Variants in HIGD1C observed in about 807,000 individuals in gnomAD.
HIGD1C encodes the protein HIG1 hypoxia inducible domain family member 1C.
HIGD1C carries 11 observed loss-of-function variants against 13.1 expected under a neutral mutation model. The observed-to-expected ratio is 0.84, with a 90% CI of 0.53 to 1.39. The LOEUF (loss-of-function observed/expected upper bound fraction) is 1.39. Among genes scored for constraint, HIGD1C ranks in the 40% most tolerant of loss-of-function variants. HIGD1C has a pLI of 0.00. For missense variants in HIGD1C, 110 were observed against 112.0 expected (o/e 0.98, Z 0.08); for synonymous variants, 36 against 37.7 (o/e 0.95, Z 0.17).
chr12:50,947,229 T>C, the HIGD1C span, among the ~76,000 whole-genome samples: 1 of 152,340 alleles, frequency 6.6e-6, no homozygotes, highest in South Asian at 2.1e-4. Flanking sequence ...AGTTTCCTAC[T>C]GCTGCTCTAA....
At chr12:50,965,287 A>G (rs946411474) in intron 2 of HIGD1C, among the ~76,000 whole-genome samples, 1 of 134,566 alleles carries the variant, frequency 7.4e-6, no homozygotes, top group African/African-American at 2.8e-5. Flanking sequence ...CTAATTTTTA[A>G]TTTTTTTTTT....
the HIGD1C span, among the ~76,000 whole-genome samples, chr12:50,941,979 T>C: frequency 6.6e-6 from 1 of 151,990 alleles, no homozygotes; most frequent in African/African-American, 2.4e-5. Context: ...ACTACCACCC[T>C]CCAGGCTCAA....
chr12:50,955,764 T>C (rs935988737), intron 1 of HIGD1C, among the ~76,000 whole-genome samples: 1 of 152,170 alleles, frequency 6.6e-6, no homozygotes, highest in African/African-American at 2.4e-5. Context: ...TTCCTTAGCA[T>C]TTTTAGTTAA....
At chr12:50,966,238 A>C (rs1939537945) in intron 2 of HIGD1C, among the ~76,000 whole-genome samples, 1 of 152,160 alleles carries the variant, frequency 6.6e-6, no homozygotes, top group Non-Finnish European at 1.5e-5. Flanking sequence ...GCATACAGAG[A>C]ACAGTCACCA....
the HIGD1C span, among the ~76,000 whole-genome samples, chr12:50,935,740 C>T: frequency 6.6e-6 from 1 of 152,200 alleles, no homozygotes; most frequent in African/African-American, 2.4e-5. Flanking sequence ...CCTCCCTCCT[C>T]AGCCTTCCAA....
rs577752359 is a variant in HIGD1C, at chr12:50,969,188, G to T, written c.230-1254G>T. On this transcript the variant is annotated intron_variant, in intron 2 of 2. Transcript: ENST00000398455. ...GCACACCTATAGTCCCAGCTACTAG[G>T]GGGGCTGAGACAGGAGAATTGCTTG... is the stretch of plus-strand genomic sequence containing the variant. 7.9e-5 allele frequency among the ~76,000 whole-genome samples: 12 copies of T among 152,092 alleles called. No individual in the cohort carries two copies. In the South Asian group the frequency reaches 2.5e-3, roughly 32 times the overall value.
the HIGD1C span, among the ~76,000 whole-genome samples, chr12:50,936,804 ATATTTAGAATT>A: frequency 6.6e-6 from 1 of 152,246 alleles, no homozygotes; most frequent in African/African-American, 2.4e-5. Context: ...CAATCCTTTG[ATATTTAGAATT>A]TAACACAGCA....
In HIGD1C at chr12:50,957,066, C is replaced by T. The variant is rs74923040; in HGVS notation, c.94+2974C>T. On this transcript the variant is annotated intron_variant, in intron 1 of 2. Transcript: ENST00000398455. ...ATTGTGGATCAGTGTATAAAATATA[C>T]ATGTAAATGTAATGATTTACTGATT... is the stretch of plus-strand genomic sequence containing the variant. Among the ~76,000 whole-genome samples the T allele has an allele frequency of 2.7e-3, 414 of 151,654 alleles. 8 individuals carry two copies. In the East Asian group the frequency reaches 0.034, roughly 12 times the overall value.
chr12:50,964,568 T>C (rs1939470756), intron 2 of HIGD1C, among the ~76,000 whole-genome samples: 1 of 152,202 alleles, frequency 6.6e-6, no homozygotes, highest in South Asian at 2.1e-4. Context: ...CCCTGCAGAC[T>C]AGATTATGAC....
chr12:50,953,305 T>C (rs760949497), upstream of HIGD1C, among the ~76,000 whole-genome samples: 8 of 152,210 alleles, frequency 5.3e-5, no homozygotes, highest in Non-Finnish European at 1.0e-4. Flanking sequence ...GTCTCATTCA[T>C]AGGATGAAGC....
the HIGD1C span, among the ~76,000 whole-genome samples, chr12:50,937,869 A>C: frequency 6.6e-6 from 1 of 151,876 alleles, no homozygotes; most frequent in Non-Finnish European, 1.5e-5. Flanking sequence ...GAGTCTGGGG[A>C]CTTTATGTGC....
chr12:50,965,463 A>T (rs1230945612), intron 2 of HIGD1C, among the ~76,000 whole-genome samples: 3 of 151,978 alleles, frequency 2.0e-5, no homozygotes, highest in Admixed American at 2.0e-4. Flanking sequence ...ATTTCCTACT[A>T]TAATAGCCCT....
chr12:50,965,136 C>T (rs1939492914), intron 2 of HIGD1C, among the ~76,000 whole-genome samples: 1 of 151,998 alleles, frequency 6.6e-6, no homozygotes, highest in African/African-American at 2.4e-5. Flanking sequence ...TTTTTTGAGA[C>T]AGGGTCTTGC....
At chr12:50,949,462 T>A (rs1471521188), upstream of HIGD1C, 3 of 151,912 alleles carry the variant, frequency 2.0e-5, 1 homozygote, top group African/African-American at 7.3e-5. Context: ...GATTTCGCTA[T>A]TGGAAACCCC....
At chr12:50,939,073 T>G in the HIGD1C span, among the ~76,000 whole-genome samples, 1 of 152,202 alleles carries the variant, frequency 6.6e-6, no homozygotes, top group Non-Finnish European at 1.5e-5. Context: ...TTGGTCTCCA[T>G]ACCTCCACAC....
chr12:50,948,026 G>A, the HIGD1C span, among the ~76,000 whole-genome samples: 1 of 152,188 alleles, frequency 6.6e-6, no homozygotes, highest in Non-Finnish European at 1.5e-5. Context: ...AGGACTACAA[G>A]GGAACAAAAT....
the HIGD1C span, among the ~76,000 whole-genome samples, chr12:50,939,034 T>C: frequency 6.6e-6 from 1 of 152,194 alleles, no homozygotes; most frequent in Admixed American, 6.5e-5. Flanking sequence ...ATCTAAAGCA[T>C]AGTGTCTAAT....
At chr12:50,937,871 T>A in the HIGD1C span, among the ~76,000 whole-genome samples, 1 of 152,108 alleles carries the variant, frequency 6.6e-6, no homozygotes, top group Non-Finnish European at 1.5e-5. Context: ...GTCTGGGGAC[T>A]TTATGTGCTC....
At chr12:50,940,536 C>T in the HIGD1C span, among the ~76,000 whole-genome samples, 5 of 152,090 alleles carry the variant, frequency 3.3e-5, no homozygotes, top group African/African-American at 7.2e-5. Context: ...CTGGGCAACA[C>T]GGTGAGATCT....
Sources: allele counts gnomAD v4.1 joint callset (sites outside exome capture counted in the v4.1 genomes callset), GRCh38; gene constraint gnomAD v4.1.1; transcripts MANE v1.5; gene names NCBI Gene and HGNC (gene_info 2026-07-23, HGNC 2026-07-21).